RAPGEF4: variants seen among roughly 807,000 people sequenced by gnomAD.
The protein encoded by RAPGEF4 is RAP guanine-nucleotide-exchange factor (GEF) 4.
In RAPGEF4, 66 loss-of-function variants were observed where a neutral mutation model predicts 147.9. The ratio of observed to expected loss-of-function variants is 0.45; its 90% CI spans 0.37 to 0.55. The LOEUF (loss-of-function observed/expected upper bound fraction) is 0.55. RAPGEF4 is among the 20% of genes least tolerant of loss of function. The pLI is 0.00. For missense variants in RAPGEF4, 1,071 were observed against 1,257.3 expected (o/e 0.85, Z 2.24); for synonymous variants, 419 against 442.7 (o/e 0.95, Z 0.67).
intron 1 of RAPGEF4, among the ~76,000 whole-genome samples, chr2:172,773,837 G>A (rs548794879): frequency 2.4e-4 from 37 of 152,242 alleles, no homozygotes; most frequent in African/African-American, 4.3e-4. Context: ...TCACATAATC[G>A]TCATATAGTG....
At chr2:172,778,148 A>T (rs1400241573) in intron 1 of RAPGEF4, among the ~76,000 whole-genome samples, 19 of 152,164 alleles carry the variant, frequency 1.2e-4, no homozygotes, top group Admixed American at 1.2e-3. Context: ...GTTCAATAAC[A>T]GGTTAGTGAG....
intron 5 of RAPGEF4, among the ~76,000 whole-genome samples, chr2:172,921,761 T>C (rs573086098): frequency 1.2e-3 from 179 of 152,382 alleles, no homozygotes; most frequent in African/African-American, 4.2e-3. Flanking sequence ...AAACAGCCTC[T>C]GCTGTGCTCA....
At chr2:172,906,489 G>T (rs1699643963) in intron 4 of RAPGEF4, among the ~76,000 whole-genome samples, 1 of 152,206 alleles carries the variant, frequency 6.6e-6, no homozygotes, top group Non-Finnish European at 1.5e-5. Context: ...CCAGCCAAGG[G>T]GTTTCAGACA....
intron 6 of RAPGEF4, among the ~76,000 whole-genome samples, chr2:172,925,222 G>A (rs952379636): frequency 6.6e-5 from 10 of 152,170 alleles, no homozygotes; most frequent in Admixed American, 3.3e-4. Context: ...CTCATGATCC[G>A]CCCGCCTCGG....
At chr2:172,917,409 A>T in intron 4 of RAPGEF4, 1 of 496,708 alleles carries the variant, frequency 2.0e-6, no homozygotes, top group Non-Finnish European at 4.0e-6. Flanking sequence ...CCATTCACCT[A>T]TTAAGTAGGC....
intron 6 of RAPGEF4, among the ~76,000 whole-genome samples, chr2:172,953,004 G>T (rs181422971): frequency 9.2e-5 from 14 of 152,140 alleles, no homozygotes; most frequent in African/African-American, 3.1e-4. Flanking sequence ...TTGACAGGGG[G>T]GGTCCAGGCA....
intron 27 of RAPGEF4, among the ~76,000 whole-genome samples, chr2:173,034,955 C>T (rs1405221777): frequency 6.6e-6 from 1 of 151,748 alleles, no homozygotes; most frequent in Non-Finnish European, 1.5e-5. Context: ...TCTTTTGTAG[C>T]TATATTTGAT....
intron 4 of RAPGEF4, among the ~76,000 whole-genome samples, chr2:172,878,085 A>T (rs1022977913): frequency 6.6e-6 from 1 of 152,232 alleles, no homozygotes; most frequent in Admixed American, 6.6e-5. Context: ...TGCTCTTTGC[A>T]TTAGAATCTG....
At chr2:172,979,826 G>T (rs1030376989) in intron 10 of RAPGEF4, among the ~76,000 whole-genome samples, 12 of 152,098 alleles carry the variant, frequency 7.9e-5, no homozygotes, top group African/African-American at 2.9e-4. Context: ...AGACCAGCCT[G>T]GCCAATATGG....
At chr2:172,742,502 A>C (rs912238499) in intron 1 of RAPGEF4, among the ~76,000 whole-genome samples, 3 of 152,222 alleles carry the variant, frequency 2.0e-5, no homozygotes, top group Non-Finnish European at 4.4e-5. Flanking sequence ...GTAAGAATGC[A>C]TCACAGAAGT....
At position 172,900,850 on chromosome 2, in the gene RAPGEF4, A is replaced by G. The variant is rs143240368; in HGVS notation, c.445-16952A>G. On this transcript the variant is annotated intron_variant, in intron 4 of 30. Coordinates refer to ENST00000397081, the MANE Select transcript of RAPGEF4 (RefSeq NM_007023.4). ...ACTCAAACACCGTCCATAATGTTTT[A>G]TGATTTCTGTTCTATTATTTTTAAA... Among the ~76,000 whole-genome samples the G allele has an allele frequency of 9.6e-4, 146 of 152,330 alleles. 1 individual carries two copies. Among genetic ancestry groups the G allele is most frequent in the African/African-American group, 3.3e-3 (137 of 41,580 alleles).
chr2:172,868,840 GCTGGCATCTGCTCCTGGTGAGGGC>G (rs2149802179), intron 4 of RAPGEF4, among the ~76,000 whole-genome samples: 1 of 152,320 alleles, frequency 6.6e-6, no homozygotes, highest in Non-Finnish European at 1.5e-5. Flanking sequence ...GAAGCATGAT[GCTGGCATCTGCTCCTGGTGAGGGC>G]CTCAGGAAGC....
chr2:172,902,600 G>A (rs1015481076), intron 4 of RAPGEF4, among the ~76,000 whole-genome samples: 1 of 152,046 alleles, frequency 6.6e-6, no homozygotes, highest in African/African-American at 2.4e-5. Flanking sequence ...CTTCAAACAT[G>A]TGGCACCCTA....
chr2:172,770,789 A>G (rs1352686893), intron 1 of RAPGEF4, among the ~76,000 whole-genome samples: 1 of 152,186 alleles, frequency 6.6e-6, no homozygotes, highest in East Asian at 1.9e-4. Flanking sequence ...TTAGGCCAGA[A>G]CTTCCCAACT....
At chr2:172,776,320 G>A (rs1684157262) in intron 1 of RAPGEF4, among the ~76,000 whole-genome samples, 1 of 152,154 alleles carries the variant, frequency 6.6e-6, no homozygotes, top group African/African-American at 2.4e-5. Context: ...GGTGGTCACA[G>A]GGCCAGCCTA....
Position 172,988,244 on chromosome 2 carries a change from G to C in RAPGEF4, c.1199G>C (p.Gly400Ala). 1 of 1,611,800 alleles carries C rather than the reference G, an allele frequency of 6.2e-7. No individual in the cohort carries two copies. Among genetic ancestry groups the C allele is most frequent in the Non-Finnish European group, 8.5e-7 (1 of 1,179,452 alleles). The change falls in exon 13 of 31, where the codon GGA becomes GCA. Residue 400 changes from glycine to alanine, a missense_variant. Physicochemically the swap from Gly to Ala is moderately conservative, Grantham distance 60 (BLOSUM62 0). Coordinates refer to ENST00000397081, the MANE Select transcript of RAPGEF4 (RefSeq NM_007023.4). ...EGTSWYIILK[G>A]SVNVVIYGKG... Reference sequence around the variant, plus strand: ...ACCTCCTGGTACATTATTCTAAAAGGATCAGTGAATGTAGTCATTTACGGC... The same window carrying C: ...ACCTCCTGGTACATTATTCTAAAAGCATCAGTGAATGTAGTCATTTACGGC...
chr2:172,809,469 G>T (rs540075261), intron 3 of RAPGEF4, among the ~76,000 whole-genome samples: 5 of 152,220 alleles, frequency 3.3e-5, no homozygotes, highest in Admixed American at 2.6e-4. Context: ...CTCCAACCAG[G>T]GTCAGAACTC....
chr2:172,851,603 A>G (rs1263983329), intron 4 of RAPGEF4, among the ~76,000 whole-genome samples: 1 of 152,216 alleles, frequency 6.6e-6, no homozygotes, highest in Non-Finnish European at 1.5e-5. Flanking sequence ...ACCATGGAAT[A>G]CTACACAGCC....
intron 4 of RAPGEF4, among the ~76,000 whole-genome samples, chr2:172,862,142 C>T (rs1420951938): frequency 1.3e-5 from 2 of 152,120 alleles, no homozygotes; most frequent in East Asian, 1.9e-4. Context: ...AGGCAGCATT[C>T]GGTCATCACT....
Sources: allele counts gnomAD v4.1 joint callset (sites outside exome capture counted in the v4.1 genomes callset), GRCh38; gene constraint gnomAD v4.1.1; transcripts MANE v1.5; gene names NCBI Gene and HGNC (gene_info 2026-07-23, HGNC 2026-07-21).